ANKRD13C: variants seen among roughly 807,000 people sequenced by gnomAD.
ANKRD13C encodes the protein ankyrin repeat domain 13C, also known as ankyrin repeat domain-containing protein 13C.
In ANKRD13C, 16 loss-of-function variants were observed where a neutral mutation model predicts 65.5. The ratio of observed to expected loss-of-function variants is 0.24; its 90% CI spans 0.17 to 0.37. The LOEUF is 0.37. ANKRD13C is among the 10% of genes least tolerant of loss of function. The probability of loss-of-function intolerance (pLI) is 1.00; values close to 1 mark genes in which losing one functional copy is unlikely to be tolerated. For missense variants in ANKRD13C, 503 were observed against 655.9 expected, an observed-to-expected ratio of 0.77 and a Z score of 2.55; for synonymous variants, 235 against 238.7, an observed-to-expected ratio of 0.98 and a Z score of 0.14.
chr1:70,272,142 A>G (rs566228889), intron 11 of ANKRD13C, among the ~76,000 whole-genome samples: 1 of 146,090 alleles, frequency 6.8e-6, no homozygotes, highest in Admixed American at 6.8e-5. Context: ...CTTGTTTTCT[A>G]TGGCATTTAT....
intron 11 of ANKRD13C, among the ~76,000 whole-genome samples, chr1:70,272,198 T>G (rs1258869909): frequency 6.6e-6 from 1 of 152,062 alleles, no homozygotes; most frequent in East Asian, 1.9e-4. Flanking sequence ...AACAAATTAT[T>G]TGTCTGGCAT....
chr1:70,291,727 A>C (rs1679875745), intron 9 of ANKRD13C, among the ~76,000 whole-genome samples: 1 of 152,084 alleles, frequency 6.6e-6, no homozygotes, highest in African/African-American at 2.4e-5. Flanking sequence ...GAATCGCTTG[A>C]ACCTGGGAGG....
At chr1:70,265,845 AAAAAAAGAAAAG>A (rs1376704876) in intron 12 of ANKRD13C, among the ~76,000 whole-genome samples, 24 of 148,670 alleles carry the variant, frequency 1.6e-4, no homozygotes, top group African/African-American at 6.0e-4. Flanking sequence ...AAAAAAAAAA[AAAAAAAGAAAAG>A]AAAAGAAAAG....
chr1:70,295,537 C>T (rs540018842), intron 8 of ANKRD13C, among the ~76,000 whole-genome samples: 4 of 152,066 alleles, frequency 2.6e-5, no homozygotes, highest in African/African-American at 4.8e-5. Context: ...TAAGCCACCA[C>T]GCCTAGCCTC....
rs1472004651 is a variant in ANKRD13C, at chr1:70,259,334, C to A, written c.*3383G>T. ...ATGAAAACCAAGAATGATTAACAAG[C>A]ACCTTTCTTAGAAGTTCTTAAGATT... On this transcript the variant is annotated 3_prime_UTR_variant, in exon 13 of 13. Coordinates refer to ENST00000370944, the MANE Select transcript of ANKRD13C (RefSeq NM_030816.5). 6.6e-6 allele frequency among the ~76,000 whole-genome samples: 1 copy of A among 152,154 alleles called. No individual in the cohort carries two copies. Among genetic ancestry groups the A allele is most frequent in the East Asian group, 1.9e-4 (1 of 5,192 alleles).
intron 1 of ANKRD13C, among the ~76,000 whole-genome samples, chr1:70,342,573 C>T (rs1257165642): frequency 6.6e-6 from 1 of 151,962 alleles, no homozygotes; most frequent in African/African-American, 2.4e-5. Context: ...GAGACGTTTA[C>T]AATCAAATGT....
At chr1:70,301,561 C>T (rs1680356606) in intron 6 of ANKRD13C, among the ~76,000 whole-genome samples, 1 of 152,128 alleles carries the variant, frequency 6.6e-6, no homozygotes. Flanking sequence ...AAATTCTTGG[C>T]CTTTGTATTT....
chr1:70,352,621 G>A (rs1572196315), intron 1 of ANKRD13C, among the ~76,000 whole-genome samples: 1 of 152,092 alleles, frequency 6.6e-6, no homozygotes, highest in African/African-American at 2.4e-5. Flanking sequence ...AACCAAATTT[G>A]AAAAACTTCC....
rs60663093 is a variant in ANKRD13C, at chr1:70,330,088, CA to C, written c.473-5132del. Among the ~76,000 whole-genome samples the C allele has an allele frequency of 5.0e-3, 389 of 77,082 alleles. 1 individual carries two copies. Among genetic ancestry groups the C allele is most frequent in the African/African-American group, 8.6e-3 (176 of 20,536 alleles). 50.6% of individuals were successfully genotyped at this position (77,082 alleles called of 152,430 possible). A position where few individuals can be genotyped will look rare whatever the true frequency, so the allele number is the denominator to read the frequency against. On this transcript the variant is annotated intron_variant, in intron 2 of 12. Transcript: ENST00000370944. ...TGGGTGGCAGGGCGATATTCCGTCTCAAAAAAAAAAAAAAACAACCAGATCA... is the reference window on the plus strand; with the variant it reads ...TGGGTGGCAGGGCGATATTCCGTCTCAAAAAAAAAAAAAACAACCAGATCA...
chr1:70,296,047 C>T, intron 8 of ANKRD13C, 83 bp downstream of exon 8: 2 of 1,499,588 alleles, frequency 1.3e-6, no homozygotes, highest in Non-Finnish European at 9.0e-7. Flanking sequence ...CTGTAAGCTA[C>T]TTCTTGCATT....
At position 70,354,402 on chromosome 1, in the gene ANKRD13C, C is replaced by G; in HGVS notation, c.7G>C (p.Gly3Arg). 1.2e-6 allele frequency: 2 copies of G among 1,610,486 alleles called. No homozygotes were observed. The highest frequency in any genetic ancestry group is 1.7e-6 in the Non-Finnish European group (2 of 1,177,610). ...CTCCGCAGTGAGCGGATCTTCTCCC[C>G]GGTCATCGCCGCCGCCAGGGGCAAG... is the stretch of plus-strand genomic sequence containing the variant. MT[G>R]EKIRSLRRDH... is the part of the protein sequence containing the mutation. The change falls in exon 1 of 13, where the codon GGG becomes CGG. Residue 3 changes from glycine to arginine, a missense_variant. This residue lies in a region of ANKRD13C where 203 missense variants were observed against 177.6 expected (regional missense o/e 1.14). Coordinates refer to ENST00000370944, the MANE Select transcript of ANKRD13C (RefSeq NM_030816.5).
chr1:70,276,995 C>T (rs970523296), intron 9 of ANKRD13C, 151 bp from the exon 10 acceptor site: 23 of 621,758 alleles, frequency 3.7e-5, no homozygotes, highest in African/African-American at 1.1e-4. Flanking sequence ...CTTCCAAGAT[C>T]GTTCCATGGT....
In ANKRD13C at chr1:70,282,078, G is replaced by C. The variant is rs1679420511; in HGVS notation, c.1216-5234C>G. Among the ~76,000 whole-genome samples, 5 of 134,808 alleles carry C rather than the reference G, an allele frequency of 3.7e-5. No homozygotes were observed. In the South Asian group the frequency reaches 1.2e-3, roughly 32 times the overall value. The allele number at this position is 134,808 out of a possible 152,430, so 88.4% of individuals were successfully genotyped here. A position where few individuals can be genotyped will look rare whatever the true frequency, so the allele number is the denominator to read the frequency against. On this transcript the variant is annotated intron_variant, in intron 9 of 12. Coordinates refer to ENST00000370944, the MANE Select transcript of ANKRD13C (RefSeq NM_030816.5). ...TCTTTTTTTTTTTTTTTTTTGAGATGGAGTCTCGCTCTGTCACCCAGGCTG... is the reference window on the plus strand; with the variant it reads ...TCTTTTTTTTTTTTTTTTTTGAGATCGAGTCTCGCTCTGTCACCCAGGCTG...
intron 1 of ANKRD13C, among the ~76,000 whole-genome samples, chr1:70,338,470 G>A (rs1682157478): frequency 6.6e-6 from 1 of 152,122 alleles, no homozygotes. Context: ...GGCCGATCTG[G>A]GCTCACTGCA....
chr1:70,346,677 C>A (rs1226784747), intron 1 of ANKRD13C, among the ~76,000 whole-genome samples: 1 of 152,180 alleles, frequency 6.6e-6, no homozygotes, highest in Non-Finnish European at 1.5e-5. Context: ...CATCTGACAT[C>A]AAATCCAGCA....
chr1:70,263,737 G>A (rs1489131702), intron 12 of ANKRD13C, among the ~76,000 whole-genome samples: 1 of 152,038 alleles, frequency 6.6e-6, no homozygotes, highest in African/African-American at 2.4e-5. Flanking sequence ...GATCACTTGA[G>A]CCCAGGAGTT....
At chr1:70,279,319 A>G (rs1015217972) in intron 9 of ANKRD13C, among the ~76,000 whole-genome samples, 1 of 152,094 alleles carries the variant, frequency 6.6e-6, no homozygotes, top group Non-Finnish European at 1.5e-5. Flanking sequence ...TTCACTGGAG[A>G]TAACTCTATA....
chr1:70,303,772 C>G (rs1228006098), intron 6 of ANKRD13C, among the ~76,000 whole-genome samples: 2 of 152,088 alleles, frequency 1.3e-5, no homozygotes, highest in African/African-American at 2.4e-5. Flanking sequence ...TTTAAAATAG[C>G]AAGTTTTTAT....
At chr1:70,325,950 C>A (rs1681518024) in intron 2 of ANKRD13C, among the ~76,000 whole-genome samples, 1 of 150,062 alleles carries the variant, frequency 6.7e-6, no homozygotes, top group African/African-American at 2.5e-5. Context: ...CTGAGGCCCA[C>A]GCCGGGCACA....
Sources: allele counts gnomAD v4.1 joint callset (sites outside exome capture counted in the v4.1 genomes callset), GRCh38; gene constraint gnomAD v4.1.1; regional missense constraint gnomAD v4.1.1; transcripts MANE v1.5; gene names NCBI Gene and HGNC (gene_info 2026-07-23, HGNC 2026-07-21).